The following TPST1 variants were observed in gnomAD, a reference collection of about 807,000 sequenced individuals.
The protein encoded by TPST1 is tyrosylprotein sulfotransferase 1.
Under a neutral mutation model 34.8 loss-of-function variants are expected in TPST1, and 20 were observed. The observed-to-expected ratio is 0.57, with a 90% CI of 0.40 to 0.84. The LOEUF is 0.84. Among genes scored for constraint, TPST1 ranks in the 40% least tolerant of loss-of-function variants. The pLI, the probability that TPST1 is intolerant of heterozygous loss-of-function variation, is 0.00. For synonymous variants in TPST1, 152 were observed against 159.4 expected (o/e 0.95, Z 0.35); for missense variants, 353 against 455.5 (o/e 0.78, Z 2.05).
At chr7:66,233,772 A>G (rs1390947501) in intron 1 of TPST1, among the ~76,000 whole-genome samples, 1 of 152,198 alleles carries the variant, frequency 6.6e-6, no homozygotes, top group Non-Finnish European at 1.5e-5. Flanking sequence ...AACTTGACCT[A>G]CAAGATTTGT....
intron 3 of TPST1, among the ~76,000 whole-genome samples, chr7:66,320,392 C>T (rs1307219817): frequency 6.6e-6 from 1 of 151,056 alleles, no homozygotes; most frequent in Non-Finnish European, 1.5e-5. Flanking sequence ...GGACTACAGG[C>T]GCCCGCCACC....
intron 2 of TPST1, among the ~76,000 whole-genome samples, chr7:66,252,620 A>G (rs1790291369): frequency 6.6e-6 from 1 of 152,224 alleles, no homozygotes; most frequent in South Asian, 2.1e-4. Context: ...GGCGTGAGCC[A>G]CCGTGCCCGG....
In TPST1 at chr7:66,313,213, A is replaced by T. The variant is rs1043550036; in HGVS notation, c.1044+26504A>T. Among the ~76,000 whole-genome samples, 16 of 152,278 alleles carry T rather than the reference A, an allele frequency of 1.1e-4. No homozygotes were observed. The South Asian group carries it at 3.1e-3, about 30-fold the overall frequency. On this transcript the variant is annotated intron_variant, in intron 3 of 5. Transcript: ENST00000304842. ...GGCAGATCACAAGGTTAGGAGTTTG[A>T]GACCAGCCTGGCCAACATGGTGAAA...
chr7:66,252,654 C>T (rs991359382), intron 2 of TPST1, among the ~76,000 whole-genome samples: 7 of 152,118 alleles, frequency 4.6e-5, no homozygotes, highest in Non-Finnish European at 1.0e-4. Context: ...TTTTAACTTC[C>T]TTTTTAATAT....
At chr7:66,216,758 G>A (rs959193895) in intron 1 of TPST1, among the ~76,000 whole-genome samples, 1 of 152,214 alleles carries the variant, frequency 6.6e-6, no homozygotes, top group African/African-American at 2.4e-5. Flanking sequence ...GTAAGCCATT[G>A]CACCCAGCCC....
intron 3 of TPST1, among the ~76,000 whole-genome samples, chr7:66,292,853 T>A (rs1439412875): frequency 1.3e-5 from 2 of 151,962 alleles, no homozygotes; most frequent in African/African-American, 4.8e-5. Flanking sequence ...AGACCGGAGC[T>A]GTTCCTATTC....
chr7:66,207,086 G>T (rs941578055), intron 1 of TPST1, among the ~76,000 whole-genome samples: 2 of 152,156 alleles, frequency 1.3e-5, no homozygotes, highest in African/African-American at 4.8e-5. Flanking sequence ...AAGCCTGGAC[G>T]AATCAGTCAG....
chr7:66,336,238 A>G (rs534035056), intron 3 of TPST1, among the ~76,000 whole-genome samples: 39 of 151,984 alleles, frequency 2.6e-4, no homozygotes, highest in African/African-American at 9.4e-4. Flanking sequence ...TGAACCCAGG[A>G]GGCGGAGCTT....
intron 2 of TPST1, among the ~76,000 whole-genome samples, chr7:66,269,335 C>G (rs1024309444): frequency 3.3e-5 from 5 of 152,152 alleles, no homozygotes; most frequent in Admixed American, 3.3e-4. Context: ...CATGCAGATG[C>G]TAAAACCATA....
At chr7:66,204,388 G>GT (rs1174007347), upstream of TPST1, among the ~76,000 whole-genome samples, 2 of 152,308 alleles carry the variant, frequency 1.3e-5, no homozygotes, top group African/African-American at 4.8e-5. Flanking sequence ...GCTAATTTTT[G>GT]TATTTTTAGC....
At position 66,240,627 on chromosome 7, in the gene TPST1, G is replaced by T. The variant is rs752674832; in HGVS notation, c.202G>T (p.Asp68Tyr). ...KANKTFAYHK[D>Y]MPLIFIGGVP... is the part of the protein sequence containing the mutation. The stretch of plus-strand genomic sequence containing the variant: ...CAACAAAACCTTTGCCTATCACAAA[G>T]ATATGCCTTTAATATTTATTGGAGG... Residue 68 changes from aspartate to tyrosine, a missense_variant, in exon 2 of 6, where the codon GAT (aspartate) becomes TAT (tyrosine). Asp to Tyr is a radical substitution (Grantham distance 160). Transcript: ENST00000304842. 7 of 1,614,194 alleles carry T rather than the reference G, an allele frequency of 4.3e-6. No individual in the cohort carries two copies. The highest frequency in any genetic ancestry group is 4.0e-5 in the African/African-American group (3 of 75,054).
chr7:66,354,162 G>A (rs753842476), intron 4 of TPST1, among the ~76,000 whole-genome samples: 5 of 152,206 alleles, frequency 3.3e-5, no homozygotes, highest in South Asian at 2.1e-4. Context: ...AGAAGAATCC[G>A]ACCACCTCGT....
chr7:66,269,204 C>T (rs1352211300), intron 2 of TPST1, among the ~76,000 whole-genome samples: 1 of 152,012 alleles, frequency 6.6e-6, no homozygotes, highest in Non-Finnish European at 1.5e-5. Flanking sequence ...CAGATGAGTC[C>T]GATGCTATTT....
chr7:66,269,286 A>G (rs183425496), intron 2 of TPST1, among the ~76,000 whole-genome samples: 12 of 152,366 alleles, frequency 7.9e-5, no homozygotes, highest in Admixed American at 5.9e-4. Flanking sequence ...AACCCAATAG[A>G]AATTACATAA....
At chr7:66,312,201 T>A (rs1378373302) in intron 3 of TPST1, among the ~76,000 whole-genome samples, 1 of 152,346 alleles carries the variant, frequency 6.6e-6, no homozygotes, top group Non-Finnish European at 1.5e-5. Flanking sequence ...AAGAAATAGG[T>A]TCCCCTCATC....
chr7:66,261,929 C>G (rs1319565333), intron 2 of TPST1, among the ~76,000 whole-genome samples: 1 of 152,196 alleles, frequency 6.6e-6, no homozygotes, highest in African/African-American at 2.4e-5. Context: ...ACAACTACCA[C>G]CACCACTGCA....
At chr7:66,323,515 G>T (rs982754985) in intron 3 of TPST1, among the ~76,000 whole-genome samples, 48 of 152,126 alleles carry the variant, frequency 3.2e-4, no homozygotes, top group African/African-American at 1.0e-3. Flanking sequence ...TACACTGGAT[G>T]ATTATCTTAC....
At chr7:66,300,513 C>G (rs551663447) in intron 3 of TPST1, among the ~76,000 whole-genome samples, 2 of 152,328 alleles carry the variant, frequency 1.3e-5, no homozygotes, top group Non-Finnish European at 2.9e-5. Context: ...TGACCTCCTC[C>G]CATGAATTAC....
In TPST1 at chr7:66,301,923, C is replaced by T. The variant is rs201210562; in HGVS notation, c.1044+15214C>T. On this transcript the variant is annotated intron_variant, in intron 3 of 5. Coordinates refer to ENST00000304842, the MANE Select transcript of TPST1 (RefSeq NM_003596.4). ...GAAAAATGTCACCAACAGACTTGCT[C>T]ACCACAGGATTACCACACACCTTCA... 3.9e-5 allele frequency among the ~76,000 whole-genome samples: 6 copies of T among 152,120 alleles called. No homozygotes were observed. In the East Asian group the frequency reaches 5.8e-4, roughly 15 times the overall value.
Sources: gnomAD v4.1 joint callset for allele counts (sites outside exome capture counted in the v4.1 genomes callset) on GRCh38, gnomAD v4.1.1 for gene constraint, MANE v1.5 for transcripts, NCBI Gene and HGNC (gene_info 2026-07-23, HGNC 2026-07-21) for gene names.